Variants in ZMIZ1 observed in about 807,000 individuals in gnomAD.
ZMIZ1 encodes the protein zinc finger MIZ-type containing 1, also known as zinc finger MIZ domain-containing protein 1.
A neutral mutation model predicts 113.9 loss-of-function variants in ZMIZ1; 17 were observed. The observed-to-expected ratio is 0.15, with a 90% CI of 0.10 to 0.22. ZMIZ1 has a LOEUF of 0.22. Ranked by LOEUF, ZMIZ1 falls within the 10% of genes least tolerant of loss-of-function variation. ZMIZ1 has a pLI of 1.00. For synonymous variants in ZMIZ1, 607 were observed against 603.1 expected (o/e 1.01, Z -0.09); for missense variants, 1,059 against 1,477.8 (o/e 0.72, Z 4.65).
chr10:79,260,457 G>T (rs536110156), intron 7 of ZMIZ1, among the ~76,000 whole-genome samples: 1 of 152,294 alleles, frequency 6.6e-6, no homozygotes. Context: ...AGTGAATCAC[G>T]TGGCTGTCCA....
At chr10:79,089,007 C>T (rs1842910458) in intron 1 of ZMIZ1, among the ~76,000 whole-genome samples, 1 of 152,230 alleles carries the variant, frequency 6.6e-6, no homozygotes, top group African/African-American at 2.4e-5. Flanking sequence ...AGGTCTTCTA[C>T]TCCCTACGTG....
chr10:79,277,966 G>C (rs1414416838), intron 8 of ZMIZ1, among the ~76,000 whole-genome samples: 1 of 152,216 alleles, frequency 6.6e-6, no homozygotes, highest in Non-Finnish European at 1.5e-5. Context: ...CTGTCATGCT[G>C]TCTGCTCTCC....
intron 8 of ZMIZ1, among the ~76,000 whole-genome samples, chr10:79,279,525 G>A (rs949928073): frequency 7.2e-5 from 11 of 151,920 alleles, no homozygotes; most frequent in Non-Finnish European, 1.2e-4. Context: ...GATGATGGGC[G>A]GCCAGGCAGA....
rs377133316 is a variant in ZMIZ1, at chr10:79,284,418, CAG to C, written c.426-5354_426-5353del. On this transcript the variant is annotated intron_variant, in intron 8 of 24. Coordinates refer to ENST00000334512, the MANE Select transcript of ZMIZ1 (RefSeq NM_020338.4). ...GGCAGAAGAAAAATGAAGAAAGTCT[CAG>C]AGGCTTGAGAAGCACATTTTTTCTA... Among the ~76,000 whole-genome samples the C allele has an allele frequency of 7.6e-4, 116 of 152,314 alleles. 1 individual carries two copies. In the South Asian group the frequency reaches 0.023, roughly 30 times the overall value.
At chr10:79,159,530 T>C (rs1436746337) in intron 3 of ZMIZ1, among the ~76,000 whole-genome samples, 1 of 152,154 alleles carries the variant, frequency 6.6e-6, no homozygotes, top group Non-Finnish European at 1.5e-5. Flanking sequence ...CTTACTCACA[T>C]CCCGGCTGTG....
At chr10:79,164,560 C>T (rs1412068761) in intron 4 of ZMIZ1, among the ~76,000 whole-genome samples, 1 of 152,192 alleles carries the variant, frequency 6.6e-6, no homozygotes, top group Admixed American at 6.5e-5. Flanking sequence ...AGTTCTGTCA[C>T]TTTCCAAGCT....
chr10:79,163,592 C>G (rs1306025387), intron 4 of ZMIZ1, among the ~76,000 whole-genome samples: 1 of 152,216 alleles, frequency 6.6e-6, no homozygotes, highest in Non-Finnish European at 1.5e-5. Context: ...TCCAGAGGCT[C>G]GGCGTGGTTA....
chr10:79,115,820 A>G (rs1228149713), intron 1 of ZMIZ1, among the ~76,000 whole-genome samples: 1 of 152,140 alleles, frequency 6.6e-6, no homozygotes, highest in African/African-American at 2.4e-5. Flanking sequence ...TGGATGGGGG[A>G]GGGCTTCCGC....
rs141066948 is a variant in ZMIZ1 at position 79,277,112 on chromosome 10, TG to T, written c.281-60del. 3,976 of 1,332,640 alleles carry T rather than the reference TG, an allele frequency of 3.0e-3. 2 individuals are homozygous for T. Among genetic ancestry groups the T allele is most frequent in the South Asian group, 6.5e-3 (386 of 59,286 alleles). 82.6% of individuals were successfully genotyped at this position (1,332,640 alleles called of 1,614,324 possible). A position where few individuals can be genotyped will look rare whatever the true frequency, so the allele number is the denominator to read the frequency against. ...GGATAGCACCCAGTCTGGGGAGAGT[TG>T]GGGGGGGGTCTTGGTGTGGCAGAGC... On this transcript the variant is annotated intron_variant, in intron 7 of 24. Coordinates refer to ENST00000334512, the MANE Select transcript of ZMIZ1 (RefSeq NM_020338.4).
intron 7 of ZMIZ1, among the ~76,000 whole-genome samples, chr10:79,225,401 A>G (rs913318774): frequency 1.3e-5 from 2 of 152,148 alleles, no homozygotes; most frequent in Non-Finnish European, 2.9e-5. Flanking sequence ...TGACTGCTCA[A>G]TGATGGAGGG....
chr10:79,307,632 C>A, intron 23 of ZMIZ1, 61 bp downstream of exon 23: 1 of 1,550,910 alleles, frequency 6.4e-7, no homozygotes, highest in South Asian at 1.2e-5. Context: ...GCCTTGGGAT[C>A]TGGATACCCT....
At chr10:79,241,759 C>T (rs1849842778) in intron 7 of ZMIZ1, among the ~76,000 whole-genome samples, 1 of 152,152 alleles carries the variant, frequency 6.6e-6, no homozygotes. Context: ...GTCCCAGCAA[C>T]TTCCAGGGCC....
At chr10:79,141,228 G>A (rs1037225618) in intron 3 of ZMIZ1, among the ~76,000 whole-genome samples, 2 of 152,210 alleles carry the variant, frequency 1.3e-5, no homozygotes, top group South Asian at 2.1e-4. Flanking sequence ...GGTGTTGACC[G>A]AGAAAGTCTG....
chr10:79,266,576 A>G (rs1851619749), intron 7 of ZMIZ1, among the ~76,000 whole-genome samples: 1 of 152,134 alleles, frequency 6.6e-6, no homozygotes. Flanking sequence ...CCCATCTTAC[A>G]GAAGCACACA....
At chr10:79,286,362 G>A (rs1853076292) in intron 8 of ZMIZ1, among the ~76,000 whole-genome samples, 1 of 152,262 alleles carries the variant, frequency 6.6e-6, no homozygotes, top group South Asian at 2.1e-4. Context: ...CAGCAGGGCT[G>A]CTGTGGGGGC....
intron 4 of ZMIZ1, among the ~76,000 whole-genome samples, chr10:79,176,944 A>T (rs918876359): frequency 6.6e-6 from 1 of 152,236 alleles, no homozygotes; most frequent in African/African-American, 2.4e-5. Context: ...TCTCCAGTGC[A>T]TCTGCTGCTG....
chr10:79,158,683 C>T (rs1042668455), intron 3 of ZMIZ1, among the ~76,000 whole-genome samples: 2 of 152,196 alleles, frequency 1.3e-5, no homozygotes, highest in South Asian at 2.1e-4. Context: ...TCAACATGAC[C>T]GAGTGCCTCC....
rs1390627407 is a variant in ZMIZ1, at chr10:79,313,699, A to C, written c.*950A>C. 3.5e-6 allele frequency: 1 copy of C among 286,728 alleles called. No individual in the cohort carries two copies. Among genetic ancestry groups the C allele is most frequent in the South Asian group, 3.3e-5 (1 of 30,166 alleles). 17.8% of individuals were successfully genotyped at this position (286,728 alleles called of 1,614,324 possible). A position where few individuals can be genotyped will look rare whatever the true frequency, so the allele number is the denominator to read the frequency against. On this transcript the variant is annotated 3_prime_UTR_variant, in exon 25 of 25. Transcript: ENST00000334512. ...AGCAACAATTTAAAGCTATGAAGTC[A>C]CCTGGAGAAAAGGAACGTTGCTCTT...
chr10:79,094,218 C>T (rs1033137454), intron 1 of ZMIZ1, among the ~76,000 whole-genome samples: 19 of 152,104 alleles, frequency 1.2e-4, no homozygotes, highest in African/African-American at 3.9e-4. Flanking sequence ...CGGGTGAGTC[C>T]GGCTGCAGCC....
Sources: gnomAD v4.1 joint callset for allele counts (sites outside exome capture counted in the v4.1 genomes callset) on GRCh38, gnomAD v4.1.1 for gene constraint, MANE v1.5 for transcripts, NCBI Gene and HGNC (gene_info 2026-07-23, HGNC 2026-07-21) for gene names.